Variants in HS3ST4 observed in about 807,000 individuals in gnomAD.
HS3ST4 encodes the protein heparan sulfate-glucosamine 3-sulfotransferase 4.
A neutral mutation model predicts 29.2 loss-of-function variants in HS3ST4; 17 were observed. That is an observed-to-expected ratio of 0.58 (90% CI 0.40 to 0.87). The LOEUF is 0.87. HS3ST4 is among the 40% of genes least tolerant of loss of function. The probability of loss-of-function intolerance (pLI) is 0.00; values close to 1 mark genes in which losing one functional copy is unlikely to be tolerated. For missense variants in HS3ST4, 627 were observed against 634.5 expected (o/e 0.99, Z 0.13); for synonymous variants, 314 against 285.7 (o/e 1.10, Z -1.00).
At chr16:25,945,531 G>A (rs1270289822) in intron 1 of HS3ST4, among the ~76,000 whole-genome samples, 2 of 152,124 alleles carry the variant, frequency 1.3e-5, no homozygotes, top group African/African-American at 4.8e-5. Flanking sequence ...CTGCATCACA[G>A]TAAATATGTG....
intron 1 of HS3ST4, among the ~76,000 whole-genome samples, chr16:25,704,796 T>C (rs1966363638): frequency 6.6e-6 from 1 of 151,140 alleles, no homozygotes; most frequent in South Asian, 2.1e-4. Context: ...GGAGAATCGC[T>C]TGAACCCAGA....
At chr16:25,971,651 C>T (rs1346681436) in intron 1 of HS3ST4, among the ~76,000 whole-genome samples, 3 of 152,168 alleles carry the variant, frequency 2.0e-5, no homozygotes, top group Middle Eastern at 3.2e-3. Context: ...CTGGGCAGGG[C>T]GTGGTGGCTC....
intron 1 of HS3ST4, among the ~76,000 whole-genome samples, chr16:25,869,202 C>T (rs749606386): frequency 2.0e-5 from 3 of 152,182 alleles, no homozygotes; most frequent in South Asian, 2.1e-4. Context: ...ACCAGGCTGG[C>T]GATTTGCTCT....
intron 1 of HS3ST4, among the ~76,000 whole-genome samples, chr16:25,986,612 T>C (rs1176588603): frequency 6.6e-6 from 1 of 152,238 alleles, no homozygotes; most frequent in South Asian, 2.1e-4. Context: ...AAAAATGTTA[T>C]TTTAGTCCTG....
At chr16:25,925,014 C>T (rs561736361) in intron 1 of HS3ST4, among the ~76,000 whole-genome samples, 5 of 151,874 alleles carry the variant, frequency 3.3e-5, no homozygotes, top group Non-Finnish European at 4.4e-5. Context: ...GTAATAAATC[C>T]CATGGGTAGA....
chr16:25,886,146 C>T (rs1967949401), intron 1 of HS3ST4, among the ~76,000 whole-genome samples: 1 of 150,382 alleles, frequency 6.6e-6, no homozygotes, highest in Non-Finnish European at 1.5e-5. Flanking sequence ...AATTCTCCTG[C>T]CTCAGCCTCC....
rs553947944 is a variant in HS3ST4 at position 26,052,259 on chromosome 16, C to T, written c.735-83353C>T. ...CTTTTTGTCCAATCCTATTTCTACT[C>T]GGCTGTCTACCCTTTGTTGAATCTA... On this transcript the variant is annotated intron_variant, in intron 1 of 1. Coordinates refer to ENST00000331351, the MANE Select transcript of HS3ST4 (RefSeq NM_006040.3). Among the ~76,000 whole-genome samples the T allele has an allele frequency of 9.5e-4, 144 of 152,270 alleles. 1 individual carries two copies. Among genetic ancestry groups the T allele is most frequent in the African/African-American group, 3.3e-3 (139 of 41,544 alleles).
At chr16:25,991,095 C>T (rs1362029291) in intron 1 of HS3ST4, among the ~76,000 whole-genome samples, 1 of 148,780 alleles carries the variant, frequency 6.7e-6, no homozygotes, top group Admixed American at 6.6e-5. Flanking sequence ...TCATCAATAA[C>T]ATTGATACAC....
chr16:26,054,142 C>A (rs1898378204), intron 1 of HS3ST4, among the ~76,000 whole-genome samples: 6 of 152,156 alleles, frequency 3.9e-5, no homozygotes, highest in Admixed American at 3.9e-4. Flanking sequence ...GTGCCCTGGG[C>A]AAGAGGAACA....
At position 26,066,717 on chromosome 16, in the gene HS3ST4, G is replaced by C. The variant is rs74013249; in HGVS notation, c.735-68895G>C. Among the ~76,000 whole-genome samples, 574 of 152,356 alleles carry C rather than the reference G, an allele frequency of 3.8e-3. 1 individual carries two copies. Among genetic ancestry groups the C allele is most frequent in the African/African-American group, 0.012 (499 of 41,582 alleles). On this transcript the variant is annotated intron_variant, in intron 1 of 1. Coordinates refer to ENST00000331351, the MANE Select transcript of HS3ST4 (RefSeq NM_006040.3). ...TGTGCAGAAGAGCAGGTAGAATAAA[G>C]TGCTGAATTTCTCCTGCCTAATTGT...
chr16:25,804,330 T>C (rs1268255037), intron 1 of HS3ST4, among the ~76,000 whole-genome samples: 1 of 152,188 alleles, frequency 6.6e-6, no homozygotes, highest in Non-Finnish European at 1.5e-5. Context: ...CTCTGCAAAT[T>C]TGTTTTGCTC....
chr16:25,719,934 T>G lies in HS3ST4; in HGVS notation c.734+26783T>G, dbSNP rs540019786. The stretch of plus-strand genomic sequence containing the variant: ...TAAATAAGTCAATATGGGAAAATGC[T>G]CATTGTAGTGTCTGGCCCATAGTAA... On this transcript the variant is annotated intron_variant, in intron 1 of 1. Coordinates refer to ENST00000331351, the MANE Select transcript of HS3ST4 (RefSeq NM_006040.3). 3.9e-5 allele frequency among the ~76,000 whole-genome samples: 6 copies of G among 152,330 alleles called. No individual in the cohort carries two copies. The South Asian group carries it at 1.0e-3, about 26-fold the overall frequency.
At chr16:25,775,868 A>T (rs111893277) in intron 1 of HS3ST4, among the ~76,000 whole-genome samples, 1 of 152,158 alleles carries the variant, frequency 6.6e-6, no homozygotes, top group African/African-American at 2.4e-5. Context: ...CCATGATGGC[A>T]CAGACCATTT....
intron 1 of HS3ST4, among the ~76,000 whole-genome samples, chr16:25,831,294 A>AGATCACAC (rs1411501772): frequency 2.0e-5 from 3 of 152,082 alleles, no homozygotes; most frequent in Admixed American, 6.6e-5. Context: ...CGGGCATGGT[A>AGATCACAC]GATCACACCT....
At chr16:25,825,863 C>T (rs545708910) in intron 1 of HS3ST4, 9 of 152,284 alleles carry the variant, frequency 5.9e-5, no homozygotes, top group East Asian at 3.9e-4. Flanking sequence ...TTAGATGAAC[C>T]GCTGAAGAGT....
intron 1 of HS3ST4, among the ~76,000 whole-genome samples, chr16:26,026,527 G>A (rs946178928): frequency 1.3e-5 from 2 of 152,088 alleles, no homozygotes; most frequent in South Asian, 2.1e-4. Context: ...TTGCCCCATA[G>A]TCATGAAACA....
At chr16:25,838,210 C>T (rs1174930681) in intron 1 of HS3ST4, among the ~76,000 whole-genome samples, 3 of 152,202 alleles carry the variant, frequency 2.0e-5, no homozygotes, top group East Asian at 1.9e-4. Flanking sequence ...TAACGACTAC[C>T]GCTGCTATTT....
At chr16:25,699,990 A>G (rs1294222164) in intron 1 of HS3ST4, among the ~76,000 whole-genome samples, 1 of 151,910 alleles carries the variant, frequency 6.6e-6, no homozygotes, top group Non-Finnish European at 1.5e-5. Context: ...ATTTTCCTTC[A>G]ATGCCTTCCT....
chr16:25,785,146 A>G (rs1029443208), intron 1 of HS3ST4, among the ~76,000 whole-genome samples: 1 of 152,212 alleles, frequency 6.6e-6, no homozygotes, highest in African/African-American at 2.4e-5. Context: ...ACTGCTTTTT[A>G]AAAAAGATTC....
Sources: allele counts gnomAD v4.1 joint callset (sites outside exome capture counted in the v4.1 genomes callset), GRCh38; gene constraint gnomAD v4.1.1; transcripts MANE v1.5; gene names NCBI Gene and HGNC (gene_info 2026-07-23, HGNC 2026-07-21).